The following NR2E1 variants were observed in gnomAD, a reference collection of about 807,000 sequenced individuals.
NR2E1 encodes nuclear receptor subfamily 2 group E member 1, also known as nuclear receptor TLX.
In NR2E1, 5 loss-of-function variants were observed where a neutral mutation model predicts 43.6. The ratio of observed to expected loss-of-function variants is 0.11; its 90% CI spans 0.06 to 0.24. NR2E1 has a LOEUF of 0.24. Ranked by LOEUF, NR2E1 falls within the 10% of genes least tolerant of loss-of-function variation. The pLI is 1.00. For synonymous variants in NR2E1, 191 were observed against 195.5 expected (o/e 0.98, Z 0.19); for missense variants, 287 against 496.7 (o/e 0.58, Z 4.01).
At chr6:108,168,249 T>G (rs1773745597) in intron 1 of NR2E1, 4 of 1,381,684 alleles carry the variant, frequency 2.9e-6, no homozygotes, top group Non-Finnish European at 3.9e-6. Flanking sequence ...TGTTGCATTC[T>G]GAGCCTCCGT....
chr6:108,182,065 G>A (rs1773999433), intron 8 of NR2E1, among the ~76,000 whole-genome samples: 1 of 151,994 alleles, frequency 6.6e-6, no homozygotes, highest in Middle Eastern at 3.4e-3. Flanking sequence ...GTGAAACCCC[G>A]TCTCTACTAA....
rs1773972485 is a variant in NR2E1 at position 108,180,878 on chromosome 6, G to A, written c.811G>A (p.Val271Met). The A allele has an allele frequency of 6.2e-7, 1 of 1,614,050 alleles. No homozygotes were observed. The highest frequency in any genetic ancestry group is 8.5e-7 in the Non-Finnish European group (1 of 1,179,918). The change falls in exon 7 of 9, where the codon GTG (valine) becomes ATG (methionine). Residue 271 changes from valine (V) to methionine (M), a missense_variant. Val to Met is a conservative substitution (Grantham distance 21). Around this residue, in one of 4 missense-constraint regions of NR2E1, gnomAD observed 119 missense variants for 187.0 expected, o/e 0.64. Transcript: ENST00000368986. This position sits in a 1 kb window ranked among gnomAD's most constrained non-coding sequence, Gnocchi z 5.4. ...IISEIQALQE[V>M]VARFRQLRLD... The stretch of plus-strand genomic sequence containing the variant: ...ATCTGAAATACAGGCTTTACAAGAG[G>A]TGGTGGCTCGATTTAGACAACTCCG...
intron 2 of NR2E1, among the ~76,000 whole-genome samples, chr6:108,172,109 A>G (rs1174660004): frequency 1.3e-5 from 2 of 152,160 alleles, no homozygotes; most frequent in South Asian, 2.1e-4. Flanking sequence ...TTTAGCTGAG[A>G]CCACCAAGTG....
chr6:108,175,068 G>T (rs1406299390), intron 3 of NR2E1, 145 bp downstream of exon 3: 3 of 763,944 alleles, frequency 3.9e-6, no homozygotes, highest in South Asian at 3.0e-5. Context: ...GCTTTCAGTC[G>T]TATCCTTCCC....
chr6:108,183,900 C>T (rs998048485), intron 8 of NR2E1, among the ~76,000 whole-genome samples: 5 of 152,102 alleles, frequency 3.3e-5, no homozygotes, highest in Non-Finnish European at 7.4e-5. Flanking sequence ...GGTACTTCTA[C>T]TGACTTGTAG....
At chr6:108,186,678 A>T (rs146027680) in intron 8 of NR2E1, among the ~76,000 whole-genome samples, 19 of 152,374 alleles carry the variant, frequency 1.2e-4, no homozygotes, top group South Asian at 4.1e-4. Flanking sequence ...TATGTTGGAC[A>T]TCAAAAGAGG....
intron 7 of NR2E1, 139 bp from the exon 8 acceptor site, chr6:108,181,407 T>C (rs779258359): frequency 4.9e-5 from 37 of 750,620 alleles, no homozygotes; most frequent in Admixed American, 2.7e-4. Flanking sequence ...TTGGCCAGGT[T>C]GGTCTCGAAC....
intron 3 of NR2E1, among the ~76,000 whole-genome samples, chr6:108,175,411 C>T (rs1773879765): frequency 6.6e-6 from 1 of 152,234 alleles, no homozygotes; most frequent in African/African-American, 2.4e-5. Context: ...TGCAAATTCT[C>T]CAAGATGCCA....
Position 108,174,783 on chromosome 6 carries a change from G to A in NR2E1, c.172-53G>A, listed in dbSNP as rs1198192972. The A allele has an allele frequency of 2.0e-6, 3 of 1,512,098 alleles. No homozygotes were observed. In the East Asian group the frequency reaches 6.8e-5, roughly 34 times the overall value. 93.7% of individuals were successfully genotyped at this position (1,512,098 alleles called of 1,614,324 possible). A position where few individuals can be genotyped will look rare whatever the true frequency, so the allele number is the denominator to read the frequency against. On this transcript the variant is annotated intron_variant, in intron 2 of 8. Transcript: ENST00000368986. ...TTTCCCCGCCCGGGTGCCGGCTCCG[G>A]GTCTCCAGCCTAAAGGCCCTGGGGA...
intron 8 of NR2E1, among the ~76,000 whole-genome samples, chr6:108,186,413 G>T (rs1774076147): frequency 2.0e-5 from 3 of 152,200 alleles, no homozygotes. Context: ...ACAGCCACCT[G>T]ACTCCTTCGA....
intron 2 of NR2E1, among the ~76,000 whole-genome samples, chr6:108,172,999 T>G (rs1773837634): frequency 6.6e-6 from 1 of 152,232 alleles, no homozygotes; most frequent in Admixed American, 6.5e-5. Context: ...TTTGCTTTTA[T>G]GCAGTGAACA....
rs766209749 is a variant in NR2E1, at chr6:108,181,628, G to A, written c.972G>A (p.Thr324=). The A allele has an allele frequency of 1.7e-5, 27 of 1,614,100 alleles. No homozygotes were observed. Among genetic ancestry groups the A allele is most frequent in the Admixed American group, 3.3e-5 (2 of 60,034 alleles). Residue 324 remains threonine (T), a synonymous_variant, in exon 8 of 9, where the codon ACG becomes ACA. Coordinates refer to ENST00000368986, the MANE Select transcript of NR2E1 (RefSeq NM_003269.5). The stretch of plus-strand genomic sequence containing the variant: ...CCCTTCAAGATGAGGCTCAGCTAAC[G>A]CTCAACAGCTACATCCATACCAGGT... ...IAALQDEAQL[T]LNSYIHTRYP...
chr6:108,168,521 G>A (rs1773751945), intron 1 of NR2E1, among the ~76,000 whole-genome samples: 1 of 152,256 alleles, frequency 6.6e-6, no homozygotes, highest in African/African-American at 2.4e-5. Flanking sequence ...ACCACAGCGG[G>A]CTCCTTGCGG....
At chr6:108,171,237 G>T (rs781470111) in intron 1 of NR2E1, among the ~76,000 whole-genome samples, 12 of 152,204 alleles carry the variant, frequency 7.9e-5, no homozygotes, top group East Asian at 1.9e-4. Flanking sequence ...ATGTAGCGGT[G>T]CATGAATAAT....
At position 108,180,711 on chromosome 6, in the gene NR2E1, T is replaced by G; in HGVS notation, c.740-96T>G. 1 of 1,144,760 alleles carries G rather than the reference T, an allele frequency of 8.7e-7. No individual in the cohort carries two copies. The highest frequency in any genetic ancestry group is 1.3e-5 in the South Asian group (1 of 78,698). 70.9% of individuals were successfully genotyped at this position (1,144,760 alleles called of 1,614,324 possible). On this transcript the variant is annotated intron_variant, in intron 6 of 8. Coordinates refer to ENST00000368986, the MANE Select transcript of NR2E1 (RefSeq NM_003269.5). The surrounding 1 kb of genome is among the most constrained non-coding windows in gnomAD (Gnocchi z 5.4). Reference sequence around the variant, plus strand: ...GAATCAGATATCTTAGAGTGACAATTGAATAGATATTGATATGCAGGATTT... The same window carrying G: ...GAATCAGATATCTTAGAGTGACAATGGAATAGATATTGATATGCAGGATTT...
rs758124779 is a variant in NR2E1, at chr6:108,180,808, C to T, written c.741C>T (p.Gly247=). The T allele has an allele frequency of 1.2e-6, 2 of 1,613,458 alleles. No individual in the cohort carries two copies. The highest frequency in any genetic ancestry group is 1.7e-6 in the Non-Finnish European group (2 of 1,179,432). ...VDANTLLAVS[G]MNGDNTDSQK... is the part of the protein sequence containing the mutation. ...ATTTATCCCATATTTTTATTCTAGG[C>T]ATGAACGGTGACAACACAGATTCCC... Residue 247 remains glycine (G), a splice_region_variant and synonymous_variant, in exon 7 of 9, where the codon GGC becomes GGT. Transcript: ENST00000368986. The surrounding 1 kb of genome is among the most constrained non-coding windows in gnomAD (Gnocchi z 5.4).
At chr6:108,181,719 G>A (rs1773993633) in intron 8 of NR2E1, 68 bp downstream of exon 8, 2 of 1,137,826 alleles carry the variant, frequency 1.8e-6, no homozygotes, top group African/African-American at 1.5e-5. Context: ...TGAGCAGGCG[G>A]TAATAAGCCA....
chr6:108,179,491 C>CGT (rs1562405502), intron 5 of NR2E1, among the ~76,000 whole-genome samples: 2 of 74,902 alleles, frequency 2.7e-5, no homozygotes, highest in South Asian at 9.1e-4. Context: ...CTAACCACTT[C>CGT]CTGTGTGTGT....
At chr6:108,167,924 A>T in intron 1 of NR2E1, 1 of 1,287,048 alleles carries the variant, frequency 7.8e-7, no homozygotes, top group Non-Finnish European at 1.1e-6. Context: ...CCGCCCTCCT[A>T]CCCCCCTCCA....
Sources: allele counts gnomAD v4.1 joint callset (sites outside exome capture counted in the v4.1 genomes callset), GRCh38; gene constraint gnomAD v4.1.1; regional missense constraint gnomAD v4.1.1; non-coding constraint Gnocchi (gnomAD v3.1); transcripts MANE v1.5; gene names NCBI Gene and HGNC (gene_info 2026-07-23, HGNC 2026-07-21).